Variants in PACSIN2 observed in about 807,000 individuals in gnomAD.
PACSIN2 encodes protein kinase C and casein kinase substrate in neurons protein 2.
In PACSIN2, 25 loss-of-function variants were observed where a neutral mutation model predicts 63.8. That is an observed-to-expected ratio of 0.39 (90% CI 0.29 to 0.55). The LOEUF (loss-of-function observed/expected upper bound fraction) is 0.55, where lower values mean the gene tolerates loss of function less well. Ranked by LOEUF, PACSIN2 falls within the 20% of genes least tolerant of loss-of-function variation. PACSIN2 has a pLI of 0.62. For synonymous variants in PACSIN2, 255 were observed against 256.2 expected (o/e 1.00, Z 0.05); for missense variants, 518 against 646.9 (o/e 0.80, Z 2.16).
chr22:42,997,476 T>C (rs1923486584), intron 1 of PACSIN2, among the ~76,000 whole-genome samples: 1 of 151,626 alleles, frequency 6.6e-6, no homozygotes, highest in Non-Finnish European at 1.5e-5. Context: ...GAGAATCGCT[T>C]GAACCCGGGA....
chr22:42,977,144 T>C (rs1921761985), intron 1 of PACSIN2, among the ~76,000 whole-genome samples: 1 of 152,126 alleles, frequency 6.6e-6, no homozygotes. Context: ...ATTTAGACCA[T>C]GGATGGAAGA....
intron 1 of PACSIN2, among the ~76,000 whole-genome samples, chr22:43,002,060 AAAAC>A (rs1447431767): frequency 6.6e-6 from 1 of 152,190 alleles, no homozygotes; most frequent in Non-Finnish European, 1.5e-5. Context: ...CCAGAACAGA[AAAAC>A]AAACAAGCAA....
chr22:42,893,668 T>C (rs903322084), intron 2 of PACSIN2, 55 bp from the exon 3 acceptor site: 2 of 1,576,142 alleles, frequency 1.3e-6, no homozygotes, highest in Non-Finnish European at 1.7e-6. Context: ...TGTCCTTGGC[T>C]GTGGCACAAA....
At chr22:42,933,038 G>C (rs1223180318) in intron 1 of PACSIN2, among the ~76,000 whole-genome samples, 1 of 152,194 alleles carries the variant, frequency 6.6e-6, no homozygotes, top group Non-Finnish European at 1.5e-5. Context: ...CATTGAATCA[G>C]CATTTATATT....
chr22:42,947,158 A>C (rs1296176261), intron 1 of PACSIN2: 2 of 152,350 alleles, frequency 1.3e-5, no homozygotes, highest in African/African-American at 2.4e-5. Context: ...AGAAGGAAAA[A>C]ATATAGAATG....
chr22:42,977,778 GCT>G (rs1028544839), intron 1 of PACSIN2, among the ~76,000 whole-genome samples: 11 of 152,174 alleles, frequency 7.2e-5, no homozygotes, highest in South Asian at 6.2e-4. Context: ...CCCCCCTCAC[GCT>G]CTCTGTCTCT....
chr22:42,961,447 T>TAA (rs10678680), intron 1 of PACSIN2, among the ~76,000 whole-genome samples: 41,820 of 120,880 alleles, frequency 0.35, 7,826 homozygotes, highest in Middle Eastern at 0.43. Context: ...AATGATCAAT[T>TAA]AAAAAAAAAA....
chr22:42,928,839 C>T (rs1181425983), intron 1 of PACSIN2, among the ~76,000 whole-genome samples: 1 of 152,208 alleles, frequency 6.6e-6, no homozygotes, highest in Non-Finnish European at 1.5e-5. Flanking sequence ...AAAGAGCTCT[C>T]AGTGCCAAAA....
chr22:42,892,622 G>A (rs937161190), intron 3 of PACSIN2, among the ~76,000 whole-genome samples: 1 of 152,184 alleles, frequency 6.6e-6, no homozygotes. Context: ...CCTCTGCCAC[G>A]TGCCTGCTCC....
Position 42,879,129 on chromosome 22 carries a change from T to A in PACSIN2, c.947A>T (p.Glu316Val). 6.2e-7 allele frequency: 1 copy of A among 1,613,998 alleles called. No homozygotes were observed. Among genetic ancestry groups the A allele is most frequent in the Non-Finnish European group, 8.5e-7 (1 of 1,179,948 alleles). Residue 316 changes from glutamate (E) to valine (V), a missense_variant, in exon 8 of 11, where the codon GAG (glutamate) becomes GTG (valine). Coordinates refer to ENST00000263246, the MANE Select transcript of PACSIN2 (RefSeq NM_001184970.3). The stretch of plus-strand genomic sequence containing the variant: ...GACGCCGTCAGTGGCCTTCTTCTTC[T>A]CTCTCCGGCTGAGGGTTCGATTCAG... ...ADLNRTLSRR[E>V]KKKATDGVTL...
chr22:42,922,642 G>A (rs2092209), intron 1 of PACSIN2, among the ~76,000 whole-genome samples: 1 of 151,994 alleles, frequency 6.6e-6, no homozygotes, highest in South Asian at 2.1e-4. Flanking sequence ...TTCTTCAGTG[G>A]TTGGGAAATA....
At chr22:42,990,491 T>C (rs970386585) in intron 1 of PACSIN2, among the ~76,000 whole-genome samples, 2 of 152,070 alleles carry the variant, frequency 1.3e-5, no homozygotes, top group Non-Finnish European at 2.9e-5. Flanking sequence ...ATGAGGAGTA[T>C]GGGGACGGGG....
chr22:42,992,782 A>T (rs949229781), intron 1 of PACSIN2, among the ~76,000 whole-genome samples: 1 of 152,252 alleles, frequency 6.6e-6, no homozygotes, highest in African/African-American at 2.4e-5. Context: ...TTTTTAAAAA[A>T]TGAAACTAAC....
At chr22:43,001,536 G>A (rs533222966) in intron 1 of PACSIN2, among the ~76,000 whole-genome samples, 1 of 152,398 alleles carries the variant, frequency 6.6e-6, no homozygotes, top group African/African-American at 2.4e-5. Flanking sequence ...GGCAGCGCCT[G>A]GCAGAGCCAG....
rs746332629 is a variant in PACSIN2 at position 42,893,608 on chromosome 22, C to T, written c.66G>A (p.Gly22=). The T allele has an allele frequency of 6.2e-7, 1 of 1,613,634 alleles. No individual in the cohort carries two copies. The highest frequency in any genetic ancestry group is 8.5e-7 in the Non-Finnish European group (1 of 1,179,672). Reference sequence around the variant, plus strand: ...TCCGCTTCACAGTCCGCTTGTAGTTCCCGACCTAGGAGAGAGAACCAGCTG... The same window carrying T: ...TCCGCTTCACAGTCCGCTTGTAGTTTCCGACCTAGGAGAGAGAACCAGCTG... ...EVSSDSFWEV[G]NYKRTVKRID... is the part of the protein sequence containing the mutation. Residue 22 remains glycine (G), a synonymous_variant, in exon 3 of 11, where the codon GGG becomes GGA. Coordinates refer to ENST00000263246, the MANE Select transcript of PACSIN2 (RefSeq NM_001184970.3).
chr22:42,972,138 A>T (rs112868156), intron 1 of PACSIN2, among the ~76,000 whole-genome samples: 21 of 152,328 alleles, frequency 1.4e-4, no homozygotes, highest in African/African-American at 5.1e-4. Flanking sequence ...TAGACATAGG[A>T]GACTCCATTT....
chr22:42,926,963 C>CTCA (rs1932578376), intron 1 of PACSIN2, among the ~76,000 whole-genome samples: 2 of 152,198 alleles, frequency 1.3e-5, no homozygotes, highest in South Asian at 4.1e-4. Flanking sequence ...GCTCACGATT[C>CTCA]CTGTTCAGGA....
At chr22:42,941,960 A>G (rs1933186056) in intron 1 of PACSIN2, among the ~76,000 whole-genome samples, 1 of 152,140 alleles carries the variant, frequency 6.6e-6, no homozygotes, top group Non-Finnish European at 1.5e-5. Flanking sequence ...TATTTTTAGT[A>G]GAGACAGGGT....
At chr22:42,921,662 C>T (rs1385959367) in intron 1 of PACSIN2, among the ~76,000 whole-genome samples, 1 of 151,386 alleles carries the variant, frequency 6.6e-6, no homozygotes, top group Non-Finnish European at 1.5e-5. Context: ...CCATAAAACA[C>T]AAACAGGCTG....
Sources: gnomAD v4.1 joint callset for allele counts (sites outside exome capture counted in the v4.1 genomes callset) on GRCh38, gnomAD v4.1.1 for gene constraint, MANE v1.5 for transcripts, NCBI Gene and HGNC (gene_info 2026-07-23, HGNC 2026-07-21) for gene names.